The following DRD2 variants were observed in gnomAD, a reference collection of about 807,000 sequenced individuals.
DRD2 encodes the protein dopamine receptor D2, also known as D(2) dopamine receptor.
In DRD2, 8 loss-of-function variants were observed where a neutral mutation model predicts 38.0. That is an observed-to-expected ratio of 0.21 (90% confidence interval 0.12 to 0.38). The LOEUF (loss-of-function observed/expected upper bound fraction) is 0.38. Ranked by LOEUF, DRD2 falls within the 10% of genes least tolerant of loss-of-function variation. DRD2 has a pLI of 1.00. For missense variants in DRD2, 403 were observed against 607.7 expected (o/e 0.66, Z 3.54); for synonymous variants, 230 against 238.6 (o/e 0.96, Z 0.33).
intron 1 of DRD2, among the ~76,000 whole-genome samples, chr11:113,473,947 T>C (rs1290598410): frequency 6.6e-6 from 1 of 152,200 alleles, no homozygotes; most frequent in Non-Finnish European, 1.5e-5. Context: ...GAGCAAGGAT[T>C]GGCCTAAAAG....
chr11:113,465,306 G>A (rs1296734076), intron 1 of DRD2, among the ~76,000 whole-genome samples: 2 of 152,136 alleles, frequency 1.3e-5, no homozygotes, highest in Admixed American at 1.3e-4. Flanking sequence ...TGTTGGCCAG[G>A]CTAGTCTCAA....
intron 1 of DRD2, among the ~76,000 whole-genome samples, chr11:113,471,203 TAAG>T (rs983492205): frequency 6.6e-6 from 1 of 152,094 alleles, no homozygotes; most frequent in African/African-American, 2.4e-5. Flanking sequence ...TGTCAAAAAA[TAAG>T]AAAGTTTTGC....
intron 1 of DRD2, among the ~76,000 whole-genome samples, chr11:113,463,126 C>T (rs1439973616): frequency 6.6e-6 from 1 of 152,216 alleles, no homozygotes; most frequent in Admixed American, 6.5e-5. Flanking sequence ...GTGAACCCCT[C>T]AAAATACATA....
rs551779324 is a variant in DRD2, at chr11:113,411,304, G to A, written c.1139-384C>T. ...TTAGTTCTTATAGCATCCTCATAAGGTACATAAGAAAAACACTCACAACAG... is the reference window on the plus strand; with the variant it reads ...TTAGTTCTTATAGCATCCTCATAAGATACATAAGAAAAACACTCACAACAG... On this transcript the variant is annotated intron_variant, in intron 7 of 7. Transcript: ENST00000362072. 2.6e-5 allele frequency among the ~76,000 whole-genome samples: 4 copies of A among 152,268 alleles called. No homozygotes were observed. In the East Asian group the frequency reaches 7.7e-4, roughly 29 times the overall value.
chr11:113,447,582 A>G (rs1479994806), intron 1 of DRD2: 1 of 152,186 alleles, frequency 6.6e-6, no homozygotes, highest in Admixed American at 6.5e-5. Context: ...TTGCATATGA[A>G]CGAACAAACA....
At chr11:113,414,514 GA>G in intron 5 of DRD2, 53 bp from the exon 6 acceptor site, 1 of 1,588,330 alleles carries the variant, frequency 6.3e-7, no homozygotes, top group Non-Finnish European at 8.6e-7. Context: ...ATGGAGGGGG[GA>G]CAGAAACCCA....
At chr11:113,433,423 C>G (rs1365213819) in intron 1 of DRD2, among the ~76,000 whole-genome samples, 1 of 152,184 alleles carries the variant, frequency 6.6e-6, no homozygotes, top group Non-Finnish European at 1.5e-5. Flanking sequence ...GAGACCTAGG[C>G]TGGGGGATAC....
At chr11:113,424,156 T>C (rs1346544098) in intron 2 of DRD2, among the ~76,000 whole-genome samples, 1 of 152,196 alleles carries the variant, frequency 6.6e-6, no homozygotes, top group East Asian at 1.9e-4. Flanking sequence ...GCCCAGCACT[T>C]AGTAAGCACT....
intron 1 of DRD2, among the ~76,000 whole-genome samples, chr11:113,453,242 A>G (rs1951233566): frequency 6.6e-6 from 1 of 152,196 alleles, no homozygotes; most frequent in Non-Finnish European, 1.5e-5. Context: ...AAAAATACTG[A>G]AAAACCCACT....
At chr11:113,439,093 G>A (rs560254022) in intron 1 of DRD2, among the ~76,000 whole-genome samples, 5 of 152,124 alleles carry the variant, frequency 3.3e-5, no homozygotes, top group Non-Finnish European at 4.4e-5. Context: ...TATTATTATC[G>A]TCTCACTCAG....
At chr11:113,424,782 C>A in intron 1 of DRD2, 100 bp from the exon 2 acceptor site, 1 of 1,220,444 alleles carries the variant, frequency 8.2e-7, no homozygotes, top group Non-Finnish European at 1.1e-6. Context: ...GAGAATTTTC[C>A]AACTCGGGAT....
At chr11:113,442,317 G>T (rs1951102750) in intron 1 of DRD2, among the ~76,000 whole-genome samples, 1 of 152,218 alleles carries the variant, frequency 6.6e-6, no homozygotes, top group Non-Finnish European at 1.5e-5. Flanking sequence ...CCAGGTCCCA[G>T]AATGTATCTA....
Position 113,412,796 on chromosome 11 carries a change from G to C in DRD2, c.898C>G (p.Pro300Ala), listed in dbSNP as rs1317506483. The C allele has an allele frequency of 1.2e-6, 2 of 1,614,012 alleles. No individual in the cohort carries two copies. The highest frequency in any genetic ancestry group is 1.7e-6 in the Non-Finnish European group (2 of 1,179,974). The change falls in exon 7 of 8, where the codon CCC becomes GCC. Residue 300 changes from proline (P) to alanine (A), a missense_variant. Around this residue, in one of 4 missense-constraint regions of DRD2, gnomAD observed 166 missense variants for 178.6 expected, o/e 0.93. Coordinates refer to ENST00000362072, the MANE Select transcript of DRD2 (RefSeq NM_000795.4). ...GGGAGAGTCAGCTGGTGGTGGCTGG[G>C]TGGGATGGGGCTGTACCGGGTCCTC... ...PERTRYSPIP[P>A]SHHQLTLPDP... is the part of the protein sequence containing the mutation.
rs528599973 is a variant in DRD2 at position 113,467,023 on chromosome 11, G to A, written c.-32+8053C>T. On this transcript the variant is annotated intron_variant, in intron 1 of 7. Coordinates refer to ENST00000362072, the MANE Select transcript of DRD2 (RefSeq NM_000795.4). ...ATACTACTAAAGAAAAATAGTGTGT[G>A]GAAACATGGATCCACCGTGGTGCGG... Among the ~76,000 whole-genome samples, 5 of 152,254 alleles carry A rather than the reference G, an allele frequency of 3.3e-5. No homozygotes were observed. In the East Asian group the frequency reaches 9.7e-4, roughly 29 times the overall value.
At chr11:113,418,440 T>C (rs1950849381) in intron 2 of DRD2, among the ~76,000 whole-genome samples, 1 of 152,224 alleles carries the variant, frequency 6.6e-6, no homozygotes, top group Non-Finnish European at 1.5e-5. Context: ...TAACCCCATG[T>C]GTTTTCTTAG....
intron 1 of DRD2, among the ~76,000 whole-genome samples, chr11:113,438,702 A>T (rs369932069): frequency 5.3e-5 from 8 of 152,152 alleles, no homozygotes; most frequent in African/African-American, 1.7e-4. Context: ...CTTCCCTCTA[A>T]ATCTTTGAGA....
chr11:113,411,064 T>C, intron 7 of DRD2, 144 bp from the exon 8 acceptor site: 2 of 813,562 alleles, frequency 2.5e-6, no homozygotes, highest in Non-Finnish European at 3.8e-6. Flanking sequence ...AGGTCTTGGA[T>C]CCTAGACCTG....
intron 1 of DRD2, among the ~76,000 whole-genome samples, chr11:113,467,503 A>C (rs1428998013): frequency 6.6e-6 from 1 of 152,228 alleles, no homozygotes; most frequent in East Asian, 1.9e-4. Flanking sequence ...TATTTCTGCC[A>C]GCTTTGGGGG....
At chr11:113,424,981 C>T (rs1950926433) in intron 1 of DRD2, 1 of 392,910 alleles carries the variant, frequency 2.5e-6, no homozygotes. Context: ...AAGCACGACC[C>T]ATGCACCACA....
Sources: gnomAD v4.1 joint callset for allele counts (sites outside exome capture counted in the v4.1 genomes callset) on GRCh38, gnomAD v4.1.1 for gene constraint, gnomAD v4.1.1 regional missense constraint, MANE v1.5 for transcripts, NCBI Gene and HGNC (gene_info 2026-07-23, HGNC 2026-07-21) for gene names.